Variants in SOX5 observed in about 807,000 individuals in gnomAD.
SOX5 encodes the protein SRY-box transcription factor 5.
SOX5 carries 9 observed loss-of-function variants against 92.0 expected under a neutral mutation model. That is an observed-to-expected ratio of 0.10 (90% CI 0.06 to 0.17). The LOEUF (loss-of-function observed/expected upper bound fraction) is 0.17. Among genes scored for constraint, SOX5 ranks in the 10% least tolerant of loss-of-function variants. SOX5 has a pLI of 1.00. For synonymous variants in SOX5, 344 were observed against 336.3 expected (o/e 1.02, Z -0.25); for missense variants, 642 against 944.5 (o/e 0.68, Z 4.20).
At chr12:24,280,986 A>T (rs1945107935) in intron 2 of SOX5, among the ~76,000 whole-genome samples, 1 of 107,140 alleles carries the variant, frequency 9.3e-6, no homozygotes, top group Non-Finnish European at 1.9e-5. Flanking sequence ...TGTCAGGGGA[A>T]GGGAGAGAGA....
chr12:23,644,203 A>G (rs1249949775), intron 7 of SOX5, among the ~76,000 whole-genome samples: 3 of 152,220 alleles, frequency 2.0e-5, no homozygotes, highest in Non-Finnish European at 4.4e-5. Context: ...AAAGACTCAT[A>G]TAGCAAAAGA....
At chr12:23,825,139 T>C (rs1363597791) in intron 3 of SOX5, among the ~76,000 whole-genome samples, 2 of 151,926 alleles carry the variant, frequency 1.3e-5, no homozygotes, top group African/African-American at 4.8e-5. Flanking sequence ...CACTGGGGTA[T>C]GAAAAAAAAC....
chr12:24,059,281 G>A lies in SOX5; in HGVS notation c.-2+154062C>T, dbSNP rs945346150. 7.9e-5 allele frequency among the ~76,000 whole-genome samples: 12 copies of A among 152,108 alleles called. No individual in the cohort carries two copies. In the South Asian group the frequency reaches 1.9e-3, roughly 24 times the overall value. ...AATCCATATTCACAGCACTCTCATCGCACCAAAATCTTTATCTGAAAAGGA... is the reference window on the plus strand; with the variant it reads ...AATCCATATTCACAGCACTCTCATCACACCAAAATCTTTATCTGAAAAGGA... On this transcript the variant is annotated intron_variant, in intron 4 of 4. Transcript: ENST00000446891.
chr12:23,784,868 G>A (rs2095351287), intron 3 of SOX5, among the ~76,000 whole-genome samples: 1 of 152,118 alleles, frequency 6.6e-6, no homozygotes, highest in African/African-American at 2.4e-5. Context: ...CTTGAGCTCG[G>A]GAGTTCAAGG....
At chr12:24,401,277 G>A (rs1416299231) in intron 1 of SOX5, among the ~76,000 whole-genome samples, 1 of 151,560 alleles carries the variant, frequency 6.6e-6, no homozygotes, top group Non-Finnish European at 1.5e-5. Flanking sequence ...GCTTCAACCT[G>A]GGAGGCAGAG....
intron 4 of SOX5, among the ~76,000 whole-genome samples, chr12:24,044,106 A>G (rs1956782210): frequency 6.6e-6 from 1 of 152,200 alleles, no homozygotes; most frequent in Admixed American, 6.5e-5. Flanking sequence ...TGGGGCATCC[A>G]CAATTTGAAT....
intron 3 of SOX5, among the ~76,000 whole-genome samples, chr12:23,837,112 C>A (rs150964478): frequency 0.013 from 1,846 of 147,552 alleles, 22 homozygotes; most frequent in Non-Finnish European, 0.016. Flanking sequence ...TCAAATCATA[C>A]CCTTTGATTA....
At chr12:23,886,946 G>A (rs1407992756) in intron 2 of SOX5, among the ~76,000 whole-genome samples, 7 of 152,102 alleles carry the variant, frequency 4.6e-5, no homozygotes, top group Non-Finnish European at 8.8e-5. Context: ...TTCAAGTGTT[G>A]TTTAGCTAAG....
At chr12:24,103,059 C>G (rs1011032242) in intron 4 of SOX5, among the ~76,000 whole-genome samples, 3 of 152,200 alleles carry the variant, frequency 2.0e-5, no homozygotes, top group African/African-American at 7.2e-5. Flanking sequence ...AAGACAATTT[C>G]GGATTGAACC....
At chr12:24,331,848 CAAAAAAAAAAA>C (rs10627494) in intron 2 of SOX5, among the ~76,000 whole-genome samples, 32 of 31,664 alleles carry the variant, frequency 1.0e-3, no homozygotes, top group Non-Finnish European at 1.5e-3. Flanking sequence ...AAGACTGTCT[CAAAAAAAAAAA>C]AAAAAAAAAA....
At chr12:23,852,483 G>T (rs1225273536) in intron 2 of SOX5, among the ~76,000 whole-genome samples, 1 of 151,780 alleles carries the variant, frequency 6.6e-6, no homozygotes, top group Non-Finnish European at 1.5e-5. Context: ...ACTCTTTAAT[G>T]TTTTTTTCAA....
intron 6 of SOX5, among the ~76,000 whole-genome samples, chr12:23,715,535 T>C (rs1327445160): frequency 6.6e-6 from 1 of 152,152 alleles, no homozygotes; most frequent in African/African-American, 2.4e-5. Flanking sequence ...AGAAATTATA[T>C]ACTTACTTCT....
chr12:24,486,442 C>G (rs143960664), intron 1 of SOX5, among the ~76,000 whole-genome samples: 1 of 152,178 alleles, frequency 6.6e-6, no homozygotes, highest in African/African-American at 2.4e-5. Context: ...CAATGGGAGA[C>G]TCTTCCTTTG....
At chr12:24,060,030 A>C (rs575951888) in intron 4 of SOX5, among the ~76,000 whole-genome samples, 1 of 152,246 alleles carries the variant, frequency 6.6e-6, no homozygotes, top group Non-Finnish European at 1.5e-5. Flanking sequence ...CAGGTGATGC[A>C]TAGATACATA....
At chr12:24,237,573 T>C (rs1964750057) in intron 3 of SOX5, among the ~76,000 whole-genome samples, 1 of 151,654 alleles carries the variant, frequency 6.6e-6, no homozygotes, top group South Asian at 2.1e-4. Flanking sequence ...ACTCCAAGCC[T>C]GGAAGTCGTA....
chr12:24,459,287 T>C (rs1467456833), intron 1 of SOX5, among the ~76,000 whole-genome samples: 4 of 152,168 alleles, frequency 2.6e-5, no homozygotes, highest in Non-Finnish European at 5.9e-5. Context: ...TTCTGAATGA[T>C]GGTCCATTCA....
chr12:23,882,089 T>A (rs2096998658), intron 2 of SOX5, among the ~76,000 whole-genome samples: 1 of 152,192 alleles, frequency 6.6e-6, no homozygotes, highest in Non-Finnish European at 1.5e-5. Flanking sequence ...ATACACATCC[T>A]CAGTAGGTGT....
At chr12:23,759,030 GACACAC>G (rs61575999) in intron 3 of SOX5, among the ~76,000 whole-genome samples, 9,971 of 146,208 alleles carry the variant, frequency 0.068, 379 homozygotes, top group African/African-American at 0.1. Context: ...CACACACACA[GACACAC>G]ACACACACAC....
At chr12:23,808,462 C>T (rs1359564428) in intron 3 of SOX5, among the ~76,000 whole-genome samples, 1 of 151,960 alleles carries the variant, frequency 6.6e-6, no homozygotes, top group African/African-American at 2.4e-5. Flanking sequence ...AGATTTAACC[C>T]TTAGTAATTA....
Sources: allele counts gnomAD v4.1 joint callset (sites outside exome capture counted in the v4.1 genomes callset), GRCh38; gene constraint gnomAD v4.1.1; transcripts MANE v1.5; gene names NCBI Gene and HGNC (gene_info 2026-07-23, HGNC 2026-07-21).